Variants in CAGE1 observed in about 807,000 individuals in gnomAD.
The protein encoded by CAGE1 is cancer-associated gene 1 protein.
In CAGE1, 66 loss-of-function variants were observed where a neutral mutation model predicts 94.9. That is an observed-to-expected ratio of 0.70 (90% confidence interval 0.57 to 0.85). CAGE1 has a LOEUF of 0.85. Ranked by LOEUF, CAGE1 falls within the 40% of genes least tolerant of loss-of-function variation. The pLI, the probability that CAGE1 is intolerant of heterozygous loss-of-function variation, is 0.00. For synonymous variants in CAGE1, 319 were observed against 321.0 expected (o/e 0.99, Z 0.07); for missense variants, 865 against 950.4 (o/e 0.91, Z 1.18).
At chr6:7,353,943 G>T (rs1297211510) in intron 11 of CAGE1, among the ~76,000 whole-genome samples, 1 of 152,044 alleles carries the variant, frequency 6.6e-6, no homozygotes, top group Admixed American at 6.6e-5. Context: ...GACTTGTGGG[G>T]AAGTGTGGAA....
chr6:7,345,802 A>G (rs771306049), intron 11 of CAGE1, among the ~76,000 whole-genome samples: 4 of 152,080 alleles, frequency 2.6e-5, no homozygotes, highest in Non-Finnish European at 2.9e-5. Flanking sequence ...GCAGGCCCCC[A>G]TAGTCCCAGC....
At chr6:7,346,052 A>G (rs1759516223) in intron 11 of CAGE1, among the ~76,000 whole-genome samples, 2 of 152,126 alleles carry the variant, frequency 1.3e-5, no homozygotes, top group Non-Finnish European at 2.9e-5. Flanking sequence ...TGATGTGTGT[A>G]TTTGATAATT....
intron 3 of CAGE1, among the ~76,000 whole-genome samples, chr6:7,380,008 C>T (rs746636169): frequency 2.0e-5 from 3 of 152,196 alleles, no homozygotes; most frequent in Non-Finnish European, 2.9e-5. Context: ...TGGATGTACA[C>T]TGTTAGGCAC....
At chr6:7,358,862 T>G (rs1581681501) in intron 9 of CAGE1, among the ~76,000 whole-genome samples, 1 of 152,066 alleles carries the variant, frequency 6.6e-6, no homozygotes, top group African/African-American at 2.4e-5. Context: ...TAATGGTAGG[T>G]GTGTGTTTAA....
intron 13 of CAGE1, among the ~76,000 whole-genome samples, chr6:7,329,450 G>A (rs553929930): frequency 2.6e-5 from 4 of 152,248 alleles, no homozygotes; most frequent in East Asian, 1.9e-4. Context: ...ATGTGATTGG[G>A]AACCACTGAA....
chr6:7,352,301 A>C (rs9505179), intron 11 of CAGE1, among the ~76,000 whole-genome samples: 3 of 112,604 alleles, frequency 2.7e-5, no homozygotes, highest in Non-Finnish European at 5.2e-5. Flanking sequence ...AAAAAAAAAA[A>C]AAAACAAAAA....
chr6:7,349,160 A>G (rs150610329), intron 11 of CAGE1, among the ~76,000 whole-genome samples: 1 of 152,254 alleles, frequency 6.6e-6, no homozygotes. Flanking sequence ...GCTGTGAGAC[A>G]GAAGCACCAG....
chr6:7,357,943 G>A (rs896657751), intron 9 of CAGE1, among the ~76,000 whole-genome samples: 2 of 148,834 alleles, frequency 1.3e-5, no homozygotes, highest in Admixed American at 6.8e-5. Flanking sequence ...ACAGGTGTAT[G>A]CCACCACACC....
chr6:7,327,657 G>A (rs996885267), intron 13 of CAGE1, among the ~76,000 whole-genome samples: 12 of 152,244 alleles, frequency 7.9e-5, no homozygotes, highest in Admixed American at 3.3e-4. Flanking sequence ...TTGGCTGAGC[G>A]CGGTGGCTCA....
chr6:7,373,635 T>A lies in CAGE1; in HGVS notation c.1184A>T (p.His395Leu), dbSNP rs777980880. 2.5e-6 allele frequency: 4 copies of A among 1,613,460 alleles called. No homozygotes were observed. In the Admixed American group the frequency reaches 6.7e-5, roughly 27 times the overall value. ...LEEVLANTQK[H>L]LQESRNDKEM... ...CTTGTCATTCCTGGATTCCTGAAGA[T>A]GTTTTTGCGTGTTAGCTAAAACCTC... is the stretch of plus-strand genomic sequence containing the variant. Residue 395 changes from histidine to leucine, a missense_variant, in exon 5 of 14, where the codon CAT becomes CTT. Coordinates refer to ENST00000502583, the MANE Select transcript of CAGE1 (RefSeq NM_001170692.2).
Position 7,385,870 on chromosome 6 carries a change from G to A in CAGE1, c.198C>T (p.Asn66=), listed in dbSNP as rs776776117. 124 of 1,513,018 alleles carry A rather than the reference G, an allele frequency of 8.2e-5. No homozygotes were observed. Among genetic ancestry groups the A allele is most frequent in the East Asian group, 1.0e-4 (4 of 39,930 alleles). The allele number at this position is 1,513,018 out of a possible 1,614,324, so 93.7% of individuals were successfully genotyped here. A position where few individuals can be genotyped will look rare whatever the true frequency, so the allele number is the denominator to read the frequency against. The part of the protein sequence containing the change: ...TTGTTCDLPQ[N]EIKNFERENE... ...TTTCCCTTTCAAAATTCTTTATTTCGTTCTGTATTAATAAAAAAGGCATCA... is the reference window on the plus strand; with the variant it reads ...TTTCCCTTTCAAAATTCTTTATTTCATTCTGTATTAATAAAAAAGGCATCA... The change falls in exon 3 of 14, where the codon AAC becomes AAT. Residue 66 remains asparagine (N), a splice_region_variant and synonymous_variant. Transcript: ENST00000502583.
Position 7,339,303 on chromosome 6 carries a change from T to A in CAGE1, c.2370-5213A>T. ...ACACAGACCCCTAGTGGCCACCTCT[T>A]CAGCATAAAGCTCTACACTGCCCTC... is the stretch of plus-strand genomic sequence containing the variant. On this transcript the variant is annotated intron_variant, in intron 11 of 13. Transcript: ENST00000502583. The surrounding 1 kb of genome is among the most constrained non-coding windows in gnomAD (Gnocchi z 4.7). 1 of 1,583,164 alleles carries A rather than the reference T, an allele frequency of 6.3e-7. No individual in the cohort carries two copies. The highest frequency in any genetic ancestry group is 8.7e-7 in the Non-Finnish European group (1 of 1,152,764).
chr6:7,341,306 G>T, intron 11 of CAGE1: 1 of 670,738 alleles, frequency 1.5e-6, no homozygotes. Flanking sequence ...CAAAGAGGAA[G>T]CCAGAGATGC....
intron 5 of CAGE1, among the ~76,000 whole-genome samples, chr6:7,371,711 C>A (rs539819800): frequency 6.6e-6 from 1 of 152,014 alleles, no homozygotes; most frequent in Non-Finnish European, 1.5e-5. Flanking sequence ...TGCTTGAACC[C>A]GGGAGGCAGA....
At chr6:7,386,854 CCT>C (rs1293335722) in intron 2 of CAGE1, 123 bp downstream of exon 2, 5 of 702,170 alleles carry the variant, frequency 7.1e-6, no homozygotes, top group Non-Finnish European at 9.4e-6. Context: ...CCTGTATTCC[CCT>C]CCTTTATGTG....
rs2113452644 is a variant in CAGE1 at position 7,373,483 on chromosome 6, T to A, written c.1336A>T (p.Ser446Cys). ...SQYLEMDKTL[S>C]KKEEEVERLQ... ...CTCTCTACCTCTTCTTCTTTCTTGCTTAAGGTTTTGTCCATCTCTAAATAC... is the reference window on the plus strand; with the variant it reads ...CTCTCTACCTCTTCTTCTTTCTTGCATAAGGTTTTGTCCATCTCTAAATAC... The change falls in exon 5 of 14, where the codon AGC becomes TGC. Residue 446 changes from serine (S) to cysteine (C), a missense_variant. Coordinates refer to ENST00000502583, the MANE Select transcript of CAGE1 (RefSeq NM_001170692.2). 1.2e-6 allele frequency: 2 copies of A among 1,613,952 alleles called. No individual in the cohort carries two copies. Among genetic ancestry groups the A allele is most frequent in the East Asian group, 2.2e-5 (1 of 44,866 alleles).
chr6:7,389,728 C>A lies in CAGE1; in HGVS notation c.-550G>T, dbSNP rs1471499965. On this transcript the variant is annotated 5_prime_UTR_variant, in exon 1 of 14. It removes an upstream start codon present in the reference 5' UTR. Transcript: ENST00000502583. ...ACATCCACAGCCCTATACAGCGCGC[C>A]ATCCAGAGAGCTCCGGACTCCCAGC... The A allele has an allele frequency of 5.4e-6, 3 of 558,000 alleles. No individual in the cohort carries two copies. The highest frequency in any genetic ancestry group is 9.6e-6 in the Non-Finnish European group (3 of 310,890). The allele number at this position is 558,000 out of a possible 1,614,324, so 34.6% of individuals were successfully genotyped here. A position where few individuals can be genotyped will look rare whatever the true frequency, so the allele number is the denominator to read the frequency against.
intron 11 of CAGE1, among the ~76,000 whole-genome samples, chr6:7,343,409 C>A (rs1759268391): frequency 6.6e-6 from 1 of 152,118 alleles, no homozygotes; most frequent in South Asian, 2.1e-4. Context: ...TCAATCCAAT[C>A]AAACTTTTTG....
At chr6:7,334,264 A>G (rs1378517623) in intron 11 of CAGE1, among the ~76,000 whole-genome samples, 174 bp from the exon 12 acceptor site, 1 of 152,254 alleles carries the variant, frequency 6.6e-6, no homozygotes, top group African/African-American at 2.4e-5. Context: ...ACTCAAAATT[A>G]TTCTATCAGT....
Sources: allele counts gnomAD v4.1 joint callset (sites outside exome capture counted in the v4.1 genomes callset), GRCh38; gene constraint gnomAD v4.1.1; non-coding constraint Gnocchi (gnomAD v3.1); transcripts MANE v1.5; gene names NCBI Gene and HGNC (gene_info 2026-07-23, HGNC 2026-07-21).